The following USP6NL variants were observed in gnomAD, a reference collection of about 807,000 sequenced individuals.
The protein encoded by USP6NL is USP6 N-terminal like.
USP6NL carries 26 observed loss-of-function variants against 61.9 expected under a neutral mutation model. That is an observed-to-expected ratio of 0.42 (90% CI 0.31 to 0.58). The LOEUF (loss-of-function observed/expected upper bound fraction) is 0.58. USP6NL is among the 20% of genes least tolerant of loss of function. USP6NL has a pLI of 0.16. For missense variants in USP6NL, 1,114 were observed against 1,034.3 expected (o/e 1.08, Z -1.06); for synonymous variants, 432 against 390.1 (o/e 1.11, Z -1.27).
chr10:11,601,250 CAT>C (rs1452562406), intron 1 of USP6NL, among the ~76,000 whole-genome samples: 1 of 152,120 alleles, frequency 6.6e-6, no homozygotes, highest in African/African-American at 2.4e-5. Context: ...ACTGTACACA[CAT>C]ACACACACAC....
chr10:11,567,602 T>C (rs2133557803), intron 2 of USP6NL, among the ~76,000 whole-genome samples: 1 of 152,312 alleles, frequency 6.6e-6, no homozygotes, highest in African/African-American at 2.4e-5. Context: ...CATCACTATA[T>C]TGAAACAGAC....
chr10:11,510,204 C>A lies in USP6NL; in HGVS notation c.196-529G>T, dbSNP rs539970566. 3.3e-5 allele frequency among the ~76,000 whole-genome samples: 5 copies of A among 152,196 alleles called. No individual in the cohort carries two copies. Among genetic ancestry groups the A allele is most frequent in the Non-Finnish European group, 5.9e-5 (4 of 68,010 alleles). On this transcript the variant is annotated intron_variant, in intron 5 of 14. Transcript: ENST00000609104. The surrounding 1 kb of genome is among the most constrained non-coding windows in gnomAD (Gnocchi z 4.8). Reference sequence around the variant, plus strand: ...TAGTTGCTGCCCTAAAGAAATTTGACCAGGTGCTAAGGACAATGGACAAGG... The same window carrying A: ...TAGTTGCTGCCCTAAAGAAATTTGAACAGGTGCTAAGGACAATGGACAAGG...
chr10:11,571,231 G>A (rs1837349386), intron 2 of USP6NL, among the ~76,000 whole-genome samples: 1 of 151,908 alleles, frequency 6.6e-6, no homozygotes. Flanking sequence ...TTACAGGCAT[G>A]CACCACCACG....
At position 11,463,576 on chromosome 10, in the gene USP6NL, C is replaced by A. The variant is rs1310431665; in HGVS notation, c.1352G>T (p.Arg451Ile). Residue 451 changes from arginine (R) to isoleucine (I), a missense_variant, in exon 15 of 15, where the codon AGA (arginine) becomes ATA (isoleucine). Physicochemically the swap from Arg to Ile is moderately conservative, Grantham distance 97. Transcript: ENST00000609104. The surrounding 1 kb of genome is among the most constrained non-coding windows in gnomAD (Gnocchi z 6.3). Reference sequence around the variant, plus strand: ...GTCCTGTGGACCCGATGGGAGTTTTCTTTGAAAATCTGCCTCATCTTTAAG... The same window carrying A: ...GTCCTGTGGACCCGATGGGAGTTTTATTTGAAAATCTGCCTCATCTTTAAG... ...KKLKDEADFQ[R>I]KLPSGPQDSS... is the part of the protein sequence containing the mutation. 6.2e-7 allele frequency: 1 copy of A among 1,613,872 alleles called. No individual in the cohort carries two copies. Among genetic ancestry groups the A allele is most frequent in the Non-Finnish European group, 8.5e-7 (1 of 1,179,890 alleles).
intron 4 of USP6NL, among the ~76,000 whole-genome samples, chr10:11,521,659 C>T (rs1480168827): frequency 6.6e-6 from 1 of 152,092 alleles, no homozygotes; most frequent in Non-Finnish European, 1.5e-5. Context: ...GGATTACAGG[C>T]GTAAGCCACC....
At chr10:11,517,154 T>C (rs748925468) in intron 5 of USP6NL, among the ~76,000 whole-genome samples, 1 of 152,230 alleles carries the variant, frequency 6.6e-6, no homozygotes, top group Non-Finnish European at 1.5e-5. Flanking sequence ...GAAGGGACAA[T>C]CTCTGCCAGT....
At chr10:11,544,205 A>T (rs1836185512) in intron 2 of USP6NL, among the ~76,000 whole-genome samples, 1 of 151,830 alleles carries the variant, frequency 6.6e-6, no homozygotes, top group Non-Finnish European at 1.5e-5. Context: ...CAGACCATAA[A>T]TGGATTTTTT....
At position 11,490,367 on chromosome 10, in the gene USP6NL, TC is replaced by T. The variant is rs1261106847; in HGVS notation, c.543+464del. On this transcript the variant is annotated intron_variant, in intron 9 of 14. Transcript: ENST00000609104. The surrounding 1 kb of genome is among the most constrained non-coding windows in gnomAD (Gnocchi z 4.5). ...ATGTCTATTACCGAAGAGTTTAGCCTCCTCCTGGGGATAGCCAGTAAGGGCA... is the reference window on the plus strand; with the variant it reads ...ATGTCTATTACCGAAGAGTTTAGCCTCTCCTGGGGATAGCCAGTAAGGGCA... 6.6e-6 allele frequency among the ~76,000 whole-genome samples: 1 copy of T among 152,182 alleles called. No homozygotes were observed. Among genetic ancestry groups the T allele is most frequent in the Non-Finnish European group, 1.5e-5 (1 of 68,034 alleles).
chr10:11,519,253 A>G (rs944245902), intron 4 of USP6NL, among the ~76,000 whole-genome samples: 1 of 152,244 alleles, frequency 6.6e-6, no homozygotes, highest in Non-Finnish European at 1.5e-5. Flanking sequence ...TCTATAATCA[A>G]TGATTGTTTA....
At chr10:11,505,594 T>C (rs1407510768) in intron 6 of USP6NL, among the ~76,000 whole-genome samples, 1 of 152,212 alleles carries the variant, frequency 6.6e-6, no homozygotes, top group Non-Finnish European at 1.5e-5. Context: ...AAGATTCTTC[T>C]ACAAATTTGT....
rs1318028834 is a variant in USP6NL, at chr10:11,481,184, CTA to C, written c.1078+584_1078+585del. Among the ~76,000 whole-genome samples the C allele has an allele frequency of 6.6e-6, 1 of 152,070 alleles. No individual in the cohort carries two copies. The highest frequency in any genetic ancestry group is 2.4e-5 in the African/African-American group (1 of 41,386). ...AGCAAAGTAGTACCTAGCAGAAAAC[CTA>C]TTAGTAGGTGCTGAAAAATGTCTTA... is the stretch of plus-strand genomic sequence containing the variant. On this transcript the variant is annotated intron_variant, in intron 14 of 14. Transcript: ENST00000609104. This position sits in a 1 kb window ranked among gnomAD's most constrained non-coding sequence, Gnocchi z 4.4.
At chr10:11,479,213 G>A (rs543683429) in intron 14 of USP6NL, among the ~76,000 whole-genome samples, 44 of 152,202 alleles carry the variant, frequency 2.9e-4, no homozygotes, top group African/African-American at 1.0e-3. Flanking sequence ...ACAAAAGCAA[G>A]AAGCCATAGG....
At position 11,460,706 on chromosome 10, in the gene USP6NL, G is replaced by C. The variant is rs1227560085; in HGVS notation, c.*1735C>G. 2 of 149,140 alleles carry C rather than the reference G, an allele frequency of 1.3e-5. No homozygotes were observed. The highest frequency in any genetic ancestry group is 3.0e-5 in the Non-Finnish European group (2 of 67,388). The allele number at this position is 149,140 out of a possible 1,614,324, so 9.2% of individuals were successfully genotyped here. A position where few individuals can be genotyped will look rare whatever the true frequency, so the allele number is the denominator to read the frequency against. On this transcript the variant is annotated 3_prime_UTR_variant, in exon 15 of 15. Coordinates refer to ENST00000609104, the MANE Select transcript of USP6NL (RefSeq NM_014688.5). ...GATATATATATTTTGGAGCAGCTCA[G>C]ATACTGCTATTATAAACTAAATTGT... is the stretch of plus-strand genomic sequence containing the variant.
At chr10:11,545,232 C>T (rs1241107958) in intron 2 of USP6NL, among the ~76,000 whole-genome samples, 1 of 152,172 alleles carries the variant, frequency 6.6e-6, no homozygotes, top group Non-Finnish European at 1.5e-5. Flanking sequence ...CTCTCTGCCC[C>T]ACCCTCCCTC....
intron 6 of USP6NL, among the ~76,000 whole-genome samples, chr10:11,502,890 G>T (rs1834267213): frequency 6.6e-6 from 1 of 152,134 alleles, no homozygotes; most frequent in African/African-American, 2.4e-5. Context: ...TTAATCCCAT[G>T]CGATCACTTT....
In USP6NL at chr10:11,496,443, CA is replaced by C. The variant is rs1833926923; in HGVS notation, c.385-3216del. ...AATGTCTGTCTGCATTCTCATTTTC[CA>C]AAACTGGTAGCTGTTAAGCATCTCC... is the stretch of plus-strand genomic sequence containing the variant. On this transcript the variant is annotated intron_variant, in intron 7 of 14. Coordinates refer to ENST00000609104, the MANE Select transcript of USP6NL (RefSeq NM_014688.5). This position sits in a 1 kb window ranked among gnomAD's most constrained non-coding sequence, Gnocchi z 5.4. 6.6e-6 allele frequency among the ~76,000 whole-genome samples: 1 copy of C among 152,176 alleles called. No individual in the cohort carries two copies. Among genetic ancestry groups the C allele is most frequent in the Admixed American group, 6.5e-5 (1 of 15,284 alleles).
intron 14 of USP6NL, among the ~76,000 whole-genome samples, chr10:11,472,458 G>A (rs1439394191): frequency 6.6e-6 from 1 of 152,208 alleles, no homozygotes; most frequent in Non-Finnish European, 1.5e-5. Context: ...CGCTCTGTGA[G>A]CAGCATTCTA....
In USP6NL at chr10:11,491,282, A is replaced by G. The variant is rs1833699487; in HGVS notation, c.495-402T>C. On this transcript the variant is annotated intron_variant, in intron 8 of 14. Coordinates refer to ENST00000609104, the MANE Select transcript of USP6NL (RefSeq NM_014688.5). The surrounding 1 kb of genome is among the most constrained non-coding windows in gnomAD (Gnocchi z 4.7). ...AAGGGTGATGTCCTTGGGATGCTGAATATGCTCCATATCAGGCTCCAATTC... is the reference window on the plus strand; with the variant it reads ...AAGGGTGATGTCCTTGGGATGCTGAGTATGCTCCATATCAGGCTCCAATTC... 6.6e-6 allele frequency among the ~76,000 whole-genome samples: 1 copy of G among 152,170 alleles called. No homozygotes were observed. The highest frequency in any genetic ancestry group is 1.5e-5 in the Non-Finnish European group (1 of 68,036).
intron 2 of USP6NL, among the ~76,000 whole-genome samples, chr10:11,560,009 T>C (rs1165999627): frequency 6.6e-6 from 1 of 152,186 alleles, no homozygotes. Context: ...TCTAAGGAGA[T>C]TATAAAAGAT....
Sources: gnomAD v4.1 joint callset for allele counts (sites outside exome capture counted in the v4.1 genomes callset) on GRCh38, gnomAD v4.1.1 for gene constraint, Gnocchi (gnomAD v3.1) non-coding constraint, MANE v1.5 for transcripts, NCBI Gene and HGNC (gene_info 2026-07-23, HGNC 2026-07-21) for gene names.